Variants in CSRNP2 observed in about 807,000 individuals in gnomAD.
CSRNP2 encodes cysteine and serine rich nuclear protein 2.
A neutral mutation model predicts 36.6 loss-of-function variants in CSRNP2; 11 were observed. That is an observed-to-expected ratio of 0.30 (90% CI 0.19 to 0.50). CSRNP2 has a LOEUF of 0.50. CSRNP2 is among the 20% of genes least tolerant of loss of function. The pLI is 0.98. For missense variants in CSRNP2, 483 were observed against 691.4 expected (o/e 0.70, Z 3.38); for synonymous variants, 248 against 275.3 (o/e 0.90, Z 0.98).
At chr12:51,069,076 C>T (rs893184022) in intron 3 of CSRNP2, among the ~76,000 whole-genome samples, 12 of 151,932 alleles carry the variant, frequency 7.9e-5, no homozygotes, top group African/African-American at 1.9e-4. Flanking sequence ...CCTGGGTTCA[C>T]GCCATTCTCC....
chr12:51,064,710 A>T (rs748314697), intron 4 of CSRNP2, 41 bp from the exon 5 acceptor site: 4 of 1,468,954 alleles, frequency 2.7e-6, no homozygotes. Context: ...TGAGACCTAC[A>T]ATCCTAACAA....
In CSRNP2 at chr12:51,063,907, G is replaced by C. The variant is rs773693437; in HGVS notation, c.1471C>G (p.Pro491Ala). 1 of 1,614,086 alleles carries C rather than the reference G, an allele frequency of 6.2e-7. No individual in the cohort carries two copies. The highest frequency in any genetic ancestry group is 8.5e-7 in the Non-Finnish European group (1 of 1,180,004). ...AAGTCTTCATTTTCAGGCTCCTCAGGGTTACAATCTTCGGGCAATAGAGCT... is the reference window on the plus strand; with the variant it reads ...AAGTCTTCATTTTCAGGCTCCTCAGCGTTACAATCTTCGGGCAATAGAGCT... ...LEALLPEDCN[P>A]EEPENEDFHP... The change falls in exon 5 of 5, where the codon CCT (proline) becomes GCT (alanine). Residue 491 changes from proline to alanine, a missense_variant. Transcript: ENST00000228515.
chr12:51,062,640 T>G lies in CSRNP2; in HGVS notation c.*1106A>C, dbSNP rs113415044. 84 of 152,296 alleles carry G rather than the reference T, an allele frequency of 5.5e-4. No individual in the cohort carries two copies. The highest frequency in any genetic ancestry group is 2.0e-3 in the African/African-American group (82 of 41,560). 9.4% of individuals were successfully genotyped at this position (152,296 alleles called of 1,614,324 possible). A position where few individuals can be genotyped will look rare whatever the true frequency, so the allele number is the denominator to read the frequency against. On this transcript the variant is annotated 3_prime_UTR_variant, in exon 5 of 5. Transcript: ENST00000228515. ...CAAGATGGAGGGGTCCAATAAACAT[T>G]TGCAATTCTTGGAATTGAACTGGAA...
intron 1 of CSRNP2, among the ~76,000 whole-genome samples, chr12:51,077,886 C>T (rs1939457669): frequency 6.6e-6 from 1 of 152,214 alleles, no homozygotes; most frequent in South Asian, 2.1e-4. Flanking sequence ...TTTCATACAA[C>T]CAAGGAGTCT....
intron 3 of CSRNP2, among the ~76,000 whole-genome samples, chr12:51,073,436 TA>T (rs377604985): frequency 2.0e-3 from 296 of 144,754 alleles, no homozygotes; most frequent in African/African-American, 6.1e-3. Context: ...AACAGTCAAA[TA>T]AAAAAAAAAA....
chr12:51,064,264 A>G lies in CSRNP2; in HGVS notation c.1114T>C (p.Cys372Arg). Residue 372 changes from cysteine to arginine, a missense_variant, in exon 5 of 5, where the codon TGC becomes CGC. Physicochemically the swap from Cys to Arg is radical, Grantham distance 180. Coordinates refer to ENST00000228515, the MANE Select transcript of CSRNP2 (RefSeq NM_030809.3). ...AGAATGGGGGCTGTAAGGCCTGGGCACAGCTCTTCGGGGACAGCCAGAGGC... is the reference window on the plus strand; with the variant it reads ...AGAATGGGGGCTGTAAGGCCTGGGCGCAGCTCTTCGGGGACAGCCAGAGGC... The part of the protein sequence containing the change: ...EEPLAVPEEL[C>R]PGLTAPILIQ... The G allele has an allele frequency of 6.2e-7, 1 of 1,613,054 alleles. No individual in the cohort carries two copies. The highest frequency in any genetic ancestry group is 8.5e-7 in the Non-Finnish European group (1 of 1,179,534).
At chr12:51,068,845 A>AT (rs1938695379) in intron 3 of CSRNP2, among the ~76,000 whole-genome samples, 2 of 152,238 alleles carry the variant, frequency 1.3e-5, no homozygotes, top group Non-Finnish European at 2.9e-5. Context: ...ATGAACCCAA[A>AT]TCCCCACAGT....
chr12:51,064,133 C>T lies in CSRNP2; in HGVS notation c.1245G>A (p.Gly415=). 1 of 1,614,156 alleles carries T rather than the reference C, an allele frequency of 6.2e-7. No homozygotes were observed. The highest frequency in any genetic ancestry group is 8.5e-7 in the Non-Finnish European group (1 of 1,180,036). ...TVNSPSYLNS[G]PLVYYQVEQR... Reference sequence around the variant, plus strand: ...GCTCCACTTGATAATAGACCAGGGGCCCACTGTTCAAGTAGGATGGGCTGT... The same window carrying T: ...GCTCCACTTGATAATAGACCAGGGGTCCACTGTTCAAGTAGGATGGGCTGT... Residue 415 remains glycine, a synonymous_variant, in exon 5 of 5, where the codon GGG becomes GGA. Transcript: ENST00000228515.
At chr12:51,073,613 A>G (rs1032970239) in intron 3 of CSRNP2, among the ~76,000 whole-genome samples, 3 of 151,066 alleles carry the variant, frequency 2.0e-5, no homozygotes, top group Admixed American at 6.6e-5. Flanking sequence ...AATCCCAACT[A>G]CTCGGGAGGC....
At position 51,061,494 on chromosome 12, in the gene CSRNP2, C is replaced by A. The variant is rs1948828352; in HGVS notation, c.*2252G>T. 6.6e-6 allele frequency: 1 copy of A among 152,648 alleles called. No homozygotes were observed. The highest frequency in any genetic ancestry group is 2.4e-5 in the African/African-American group (1 of 41,460). 9.5% of individuals were successfully genotyped at this position (152,648 alleles called of 1,614,324 possible). On this transcript the variant is annotated 3_prime_UTR_variant, in exon 5 of 5. Coordinates refer to ENST00000228515, the MANE Select transcript of CSRNP2 (RefSeq NM_030809.3). ...AACCATGAGCTAGAATTCTGTCCAA[C>A]TCAGGTAGCACCAGAAGTGAGATGG...
At position 51,067,668 on chromosome 12, in the gene CSRNP2, C is replaced by T. The variant is rs1034791323; in HGVS notation, c.708+5G>A. On this transcript the variant is annotated splice_donor_5th_base_variant and intron_variant, in intron 4 of 4. Coordinates refer to ENST00000228515, the MANE Select transcript of CSRNP2 (RefSeq NM_030809.3). This position sits in a 1 kb window ranked among gnomAD's most constrained non-coding sequence, Gnocchi z 4.1. ...ATATACTATCTCAGGCCAACTTGGA[C>T]TGACCTGGCATTTAATCCCAGCCTG... is the stretch of plus-strand genomic sequence containing the variant. 6.2e-7 allele frequency: 1 copy of T among 1,611,816 alleles called. No homozygotes were observed. The highest frequency in any genetic ancestry group is 1.3e-5 in the African/African-American group (1 of 74,970).
intron 4 of CSRNP2, among the ~76,000 whole-genome samples, chr12:51,066,351 G>A (rs573456566): frequency 6.6e-6 from 1 of 151,964 alleles, no homozygotes; most frequent in African/African-American, 2.4e-5. Context: ...TACTCGGGAG[G>A]CTGAGGCAGG....
chr12:51,070,456 C>A (rs1020069076), intron 3 of CSRNP2, among the ~76,000 whole-genome samples: 14 of 152,136 alleles, frequency 9.2e-5, no homozygotes, highest in African/African-American at 3.1e-4. Flanking sequence ...AAGCATACCC[C>A]CTCCTGCTGT....
chr12:51,070,098 CTAGA>C (rs1244358405), intron 3 of CSRNP2, among the ~76,000 whole-genome samples: 2 of 152,108 alleles, frequency 1.3e-5, no homozygotes, highest in African/African-American at 4.8e-5. Context: ...TGAAAACTCA[CTAGA>C]GAACTCAAGA....
In CSRNP2 at chr12:51,062,340, TGAG is replaced by T. The variant is rs957350972; in HGVS notation, c.*1403_*1405del. 7 of 152,158 alleles carry T rather than the reference TGAG, an allele frequency of 4.6e-5. No homozygotes were observed. The highest frequency in any genetic ancestry group is 1.7e-4 in the African/African-American group (7 of 41,430). 9.4% of individuals were successfully genotyped at this position (152,158 alleles called of 1,614,324 possible). ...AGTAAAGTATGGTGTAAAGGATGCTTGAGAAGAATAGTTTTGCTCCCTACTGCC... is the reference window on the plus strand; with the variant it reads ...AGTAAAGTATGGTGTAAAGGATGCTTAAGAATAGTTTTGCTCCCTACTGCC... On this transcript the variant is annotated 3_prime_UTR_variant, in exon 5 of 5. Transcript: ENST00000228515.
At chr12:51,069,569 G>A (rs951135918) in intron 3 of CSRNP2, among the ~76,000 whole-genome samples, 1 of 150,788 alleles carries the variant, frequency 6.6e-6, no homozygotes, top group East Asian at 1.9e-4. Flanking sequence ...TTACAGGCCT[G>A]AGCCACTGCA....
At chr12:51,076,827 T>C (rs771991179) in intron 1 of CSRNP2, 180 bp from the exon 2 acceptor site, 8 of 419,836 alleles carry the variant, frequency 1.9e-5, no homozygotes, top group Non-Finnish European at 3.1e-5. Context: ...CTTCAGCCCC[T>C]CTATTCTCAA....
At chr12:51,070,094 C>G (rs907855794) in intron 3 of CSRNP2, among the ~76,000 whole-genome samples, 6 of 152,022 alleles carry the variant, frequency 3.9e-5, no homozygotes, top group African/African-American at 1.5e-4. Flanking sequence ...GTTCTGAAAA[C>G]TCACTAGAGA....
At chr12:51,072,312 C>T (rs1425135242) in intron 3 of CSRNP2, among the ~76,000 whole-genome samples, 1 of 151,990 alleles carries the variant, frequency 6.6e-6, no homozygotes, top group East Asian at 1.9e-4. Context: ...ATAATCCCAG[C>T]ACTTTGTGAG....
Sources: gnomAD v4.1 joint callset for allele counts (sites outside exome capture counted in the v4.1 genomes callset) on GRCh38, gnomAD v4.1.1 for gene constraint, Gnocchi (gnomAD v3.1) non-coding constraint, MANE v1.5 for transcripts, NCBI Gene and HGNC (gene_info 2026-07-23, HGNC 2026-07-21) for gene names.